HAPSTR1: variants seen among roughly 807,000 people sequenced by gnomAD.
The protein encoded by HAPSTR1 is HUWE1 associated protein modifying stress responses.
the HAPSTR1 span, chr16:9,092,007 G>C: frequency 6.8e-7 from 1 of 1,466,032 alleles, no homozygotes. Flanking sequence ...AGGAGGACGC[G>C]GCGGCGGTGG....
chr16:9,098,141 A>T, the HAPSTR1 span, among the ~76,000 whole-genome samples: 1 of 151,982 alleles, frequency 6.6e-6, no homozygotes, highest in African/African-American at 2.4e-5. Context: ...GACCAGCCTG[A>T]CCAACATGGA....
At chr16:9,100,573 G>A in the HAPSTR1 span, among the ~76,000 whole-genome samples, 2 of 151,310 alleles carry the variant, frequency 1.3e-5, no homozygotes, top group East Asian at 1.9e-4. Flanking sequence ...TTACTCTTTC[G>A]CCCAGGCTGG....
the HAPSTR1 span, chr16:9,119,720 T>A: frequency 6.6e-6 from 1 of 152,232 alleles, no homozygotes; most frequent in Non-Finnish European, 1.5e-5. Flanking sequence ...TGCAGTTTTG[T>A]TTTGGTCATC....
At chr16:9,121,308 A>T in the HAPSTR1 span, 1 of 152,102 alleles carries the variant, frequency 6.6e-6, no homozygotes, top group East Asian at 1.9e-4. Flanking sequence ...CTGGGTCAAA[A>T]AAATTCATCT....
the HAPSTR1 span, among the ~76,000 whole-genome samples, chr16:9,094,704 C>T: frequency 6.6e-6 from 1 of 152,128 alleles, no homozygotes; most frequent in African/African-American, 2.4e-5. Context: ...TTTTGATTGG[C>T]TAGTATTACT....
At chr16:9,103,014 A>C in the HAPSTR1 span, 1 of 1,613,964 alleles carries the variant, frequency 6.2e-7, no homozygotes, top group African/African-American at 1.3e-5. Context: ...CGAAGTTTTG[A>C]TATTGGAATT....
the HAPSTR1 span, chr16:9,120,823 G>A: frequency 2.0e-5 from 3 of 151,838 alleles, no homozygotes; most frequent in African/African-American, 4.8e-5. Flanking sequence ...TATTACAGGT[G>A]CCTGCCACCA....
chr16:9,116,847 A>T, the HAPSTR1 span: 1 of 1,614,208 alleles, frequency 6.2e-7, no homozygotes, highest in Non-Finnish European at 8.5e-7. Flanking sequence ...TAGAAAGCGT[A>T]CCTCAGCCCA....
chr16:9,111,454 C>T, the HAPSTR1 span: 1 of 152,120 alleles, frequency 6.6e-6, no homozygotes, highest in Non-Finnish European at 1.5e-5. Flanking sequence ...CTGAAAAGAA[C>T]AATTAAGGCA....
chr16:9,108,129 C>T, the HAPSTR1 span: 1 of 152,106 alleles, frequency 6.6e-6, no homozygotes, highest in Non-Finnish European at 1.5e-5. Context: ...AACCATTAAA[C>T]CTACTCTTTC....
At chr16:9,095,602 T>C in the HAPSTR1 span, among the ~76,000 whole-genome samples, 1 of 151,948 alleles carries the variant, frequency 6.6e-6, no homozygotes. Context: ...GTTCATTAGG[T>C]GTTTATCTCA....
chr16:9,112,769 A>C, the HAPSTR1 span: 5 of 152,150 alleles, frequency 3.3e-5, no homozygotes, highest in Non-Finnish European at 7.4e-5. Flanking sequence ...CTCCAGTGGG[A>C]GTTTCCTTTT....
At chr16:9,117,078 A>G in the HAPSTR1 span, 2 of 937,412 alleles carry the variant, frequency 2.1e-6, no homozygotes, top group South Asian at 1.7e-5. Context: ...TTTATAGTAG[A>G]TGCCTCTTGT....
the HAPSTR1 span, among the ~76,000 whole-genome samples, chr16:9,099,265 T>G: frequency 8.9e-6 from 1 of 112,562 alleles, no homozygotes; most frequent in Non-Finnish European, 2.2e-5. Context: ...TGGTGCAATC[T>G]TGGCTCATTG....
chr16:9,101,440 G>C, the HAPSTR1 span, among the ~76,000 whole-genome samples: 841 of 152,298 alleles, frequency 5.5e-3, 11 homozygotes, highest in African/African-American at 0.019. Flanking sequence ...AGTTGTGATG[G>C]AGAAGATATG....
the HAPSTR1 span, among the ~76,000 whole-genome samples, chr16:9,095,340 C>G: frequency 6.6e-6 from 1 of 152,010 alleles, no homozygotes. Context: ...TTAAATAGAA[C>G]CAATAAAATT....
At chr16:9,102,378 TTAGTC>T in the HAPSTR1 span, among the ~76,000 whole-genome samples, 11 of 152,356 alleles carry the variant, frequency 7.2e-5, no homozygotes, top group East Asian at 5.8e-4. Context: ...TGCAGAGAAT[TTAGTC>T]TAGGAGATCT....
At chr16:9,094,163 T>C in the HAPSTR1 span, among the ~76,000 whole-genome samples, 1 of 152,156 alleles carries the variant, frequency 6.6e-6, no homozygotes, top group Non-Finnish European at 1.5e-5. Flanking sequence ...GACAGTAATT[T>C]GAGAACTGGT....
chr16:9,097,200 A>G, the HAPSTR1 span, among the ~76,000 whole-genome samples: 1 of 150,388 alleles, frequency 6.6e-6, no homozygotes, highest in Non-Finnish European at 1.5e-5. Context: ...TTGGCCTCCC[A>G]TAATGGTGGG....
Sources: gnomAD v4.1 joint callset for allele counts (sites outside exome capture counted in the v4.1 genomes callset) on GRCh38, gnomAD v4.1.1 for gene constraint, MANE v1.5 for transcripts, NCBI Gene and HGNC (gene_info 2026-07-23, HGNC 2026-07-21) for gene names.